CCDC30: variants seen among roughly 807,000 people sequenced by gnomAD.
CCDC30 encodes coiled-coil domain containing 30.
A neutral mutation model predicts 100.2 loss-of-function variants in CCDC30; 70 were observed. The observed-to-expected ratio is 0.70, with a 90% CI of 0.58 to 0.85. The LOEUF (loss-of-function observed/expected upper bound fraction) is 0.85. Among genes scored for constraint, CCDC30 ranks in the 40% least tolerant of loss-of-function variants. The pLI is 0.00. For synonymous variants in CCDC30, 233 were observed against 269.5 expected, an observed-to-expected ratio of 0.86 and a Z score of 1.33; for missense variants, 652 against 771.2, an observed-to-expected ratio of 0.85 and a Z score of 1.83.
intron 6 of CCDC30, among the ~76,000 whole-genome samples, chr1:42,509,115 T>G (rs909251031): frequency 6.6e-6 from 1 of 152,176 alleles, no homozygotes; most frequent in Non-Finnish European, 1.5e-5. Flanking sequence ...TTTTGAAACC[T>G]TCATTGCAAA....
chr1:42,579,558 C>T (rs911202246), intron 8 of CCDC30, among the ~76,000 whole-genome samples: 1 of 151,776 alleles, frequency 6.6e-6, no homozygotes, highest in Non-Finnish European at 1.5e-5. Flanking sequence ...TGTTTGAACC[C>T]GGGAGGTGGA....
chr1:42,620,799 A>G (rs374797717), intron 11 of CCDC30, among the ~76,000 whole-genome samples: 5 of 152,332 alleles, frequency 3.3e-5, no homozygotes, highest in African/African-American at 1.2e-4. Context: ...TACAAAGGAT[A>G]TTACAAATGA....
At chr1:42,535,231 G>A (rs1304828486) in intron 6 of CCDC30, among the ~76,000 whole-genome samples, 1 of 152,056 alleles carries the variant, frequency 6.6e-6, no homozygotes, top group Non-Finnish European at 1.5e-5. Context: ...ATGGTTTAAA[G>A]GTATTGCCTT....
intron 6 of CCDC30, among the ~76,000 whole-genome samples, chr1:42,520,610 A>G (rs922624772): frequency 1.4e-5 from 2 of 143,156 alleles, no homozygotes; most frequent in African/African-American, 2.6e-5. Flanking sequence ...GATTACAGGC[A>G]TGAGCCACCA....
chr1:42,546,514 A>G (rs1345754523), intron 6 of CCDC30, among the ~76,000 whole-genome samples: 1 of 148,166 alleles, frequency 6.7e-6, no homozygotes, highest in African/African-American at 2.5e-5. Flanking sequence ...GTATAAGGAA[A>G]TTATAACAAC....
At chr1:42,483,980 T>C (rs1195871211) in intron 3 of CCDC30, among the ~76,000 whole-genome samples, 1 of 152,086 alleles carries the variant, frequency 6.6e-6, no homozygotes, top group African/African-American at 2.4e-5. Flanking sequence ...TATAAAAATT[T>C]TAAATTATAA....
intron 6 of CCDC30, among the ~76,000 whole-genome samples, chr1:42,508,944 T>C (rs1450038300): frequency 6.6e-6 from 1 of 152,222 alleles, no homozygotes; most frequent in Non-Finnish European, 1.5e-5. Flanking sequence ...AGAAAATCCT[T>C]TTAAGTCCCT....
chr1:42,601,554 A>C (rs191791786), intron 10 of CCDC30, among the ~76,000 whole-genome samples: 25 of 152,246 alleles, frequency 1.6e-4, no homozygotes, highest in African/African-American at 6.0e-4. Context: ...CCCTAACCAC[A>C]ATCCAGGATG....
chr1:42,637,313 C>T, exon 12 of CCDC30: 1 of 1,585,918 alleles, frequency 6.3e-7, no homozygotes, highest in Non-Finnish European at 8.5e-7. Flanking sequence ...TGAAGTAGAA[C>T]TACGAGATAA....
chr1:42,521,396 T>C (rs1364909716), intron 6 of CCDC30: 1 of 154,358 alleles, frequency 6.5e-6, no homozygotes, highest in Non-Finnish European at 1.5e-5. Context: ...TTTCTAACTT[T>C]ATCCTGTTTC....
chr1:42,583,354 T>C (rs571499924), intron 9 of CCDC30, among the ~76,000 whole-genome samples: 12 of 152,224 alleles, frequency 7.9e-5, no homozygotes, highest in South Asian at 2.1e-4. Context: ...AGAAGAAATA[T>C]GTATGCACTA....
At position 42,580,101 on chromosome 1, in the gene CCDC30, G is replaced by A. The variant is rs572527194; in HGVS notation, c.847-1259G>A. ...AAATGTTCCCTTTCTTAAATTGTGT[G>A]GCAGGTTCAAAAGTTTGGATGTATC... On this transcript the variant is annotated intron_variant, in intron 8 of 16. Coordinates refer to ENST00000668663, the Ensembl canonical transcript of CCDC30. Among the ~76,000 whole-genome samples the A allele has an allele frequency of 2.6e-5, 4 of 152,290 alleles. No homozygotes were observed. In the East Asian group the frequency reaches 7.7e-4, roughly 29 times the overall value.
chr1:42,497,629 T>G (rs1202582715), intron 5 of CCDC30, among the ~76,000 whole-genome samples: 2 of 152,206 alleles, frequency 1.3e-5, no homozygotes, highest in Non-Finnish European at 2.9e-5. Flanking sequence ...ACTTCCAAAT[T>G]TTAAATACAT....
At chr1:42,522,353 C>T (rs1644661618) in intron 6 of CCDC30, among the ~76,000 whole-genome samples, 1 of 152,006 alleles carries the variant, frequency 6.6e-6, no homozygotes, top group African/African-American at 2.4e-5. Context: ...AAAATAATTA[C>T]AGAAAAGGGG....
In CCDC30 at chr1:42,473,073, T is replaced by TTG. The variant is rs1027187986; in HGVS notation, c.-91-7372_-91-7371dup. ...CCACATAGATATCTTGCATCCTCAG[T>TTG]TGTGTGTGTGTGTGTGTTCATATAC... is the stretch of plus-strand genomic sequence containing the variant. On this transcript the variant is annotated intron_variant, in intron 1 of 16. Transcript: ENST00000668663. 417 of 1,167,336 alleles carry TTG rather than the reference T, an allele frequency of 3.6e-4. No individual in the cohort carries two copies. The East Asian group carries it at 4.0e-3, about 11-fold the overall frequency. The allele number at this position is 1,167,336 out of a possible 1,614,324, so 72.3% of individuals were successfully genotyped here.
At chr1:42,551,025 T>C (rs901248576) in intron 6 of CCDC30, among the ~76,000 whole-genome samples, 1 of 152,180 alleles carries the variant, frequency 6.6e-6, no homozygotes, top group African/African-American at 2.4e-5. Flanking sequence ...CACAATGTGC[T>C]GGTTTGTTAC....
intron 11 of CCDC30, among the ~76,000 whole-genome samples, chr1:42,621,077 T>C (rs116359392): frequency 1.7e-4 from 26 of 152,356 alleles, no homozygotes; most frequent in African/African-American, 6.3e-4. Flanking sequence ...ACCCAGAGCA[T>C]AGATTCAAAT....
rs142590684 is a variant in CCDC30 at position 42,564,460 on chromosome 1, G to A, written c.457-1836G>A. 5.1e-3 allele frequency among the ~76,000 whole-genome samples: 779 copies of A among 151,806 alleles called. 8 individuals are homozygous for A. Among genetic ancestry groups the A allele is most frequent in the African/African-American group, 0.018 (752 of 41,346 alleles). On this transcript the variant is annotated intron_variant, in intron 6 of 16. Transcript: ENST00000668663. ...CCCAAGTAGCTGGGACTACAGGTGC[G>A]CACCATCACACCCAGCTAAGGGTTT...
chr1:42,583,021 A>G (rs1645997621), intron 9 of CCDC30, among the ~76,000 whole-genome samples: 2 of 152,178 alleles, frequency 1.3e-5, no homozygotes, highest in South Asian at 2.1e-4. Context: ...GATATTGGCT[A>G]TTGTTTCTGC....
Sources: allele counts gnomAD v4.1 joint callset (sites outside exome capture counted in the v4.1 genomes callset), GRCh38; gene constraint gnomAD v4.1.1; transcripts MANE v1.5; gene names NCBI Gene and HGNC (gene_info 2026-07-23, HGNC 2026-07-21).